PRKN: variants seen among roughly 807,000 people sequenced by gnomAD.
The protein encoded by PRKN is E3 ubiquitin-protein ligase parkin.
Under a neutral mutation model 59.5 loss-of-function variants are expected in PRKN, and 56 were observed. The observed-to-expected ratio is 0.94, with a 90% CI of 0.76 to 1.18. PRKN has a LOEUF of 1.18. Ranked by LOEUF, PRKN falls within the 50% of genes most tolerant of loss-of-function variation. The pLI, the probability that PRKN is intolerant of heterozygous loss-of-function variation, is 0.00. For synonymous variants in PRKN, 250 were observed against 222.1 expected, an observed-to-expected ratio of 1.13 and a Z score of -1.12; for missense variants, 657 against 596.4, an observed-to-expected ratio of 1.10 and a Z score of -1.06.
intron 2 of PRKN, among the ~76,000 whole-genome samples, chr6:162,427,055 A>G (rs929620274): frequency 2.0e-5 from 3 of 152,230 alleles, no homozygotes; most frequent in Admixed American, 2.0e-4. Flanking sequence ...AGTATACTAA[A>G]TGCTCAGAAG....
intron 6 of PRKN, among the ~76,000 whole-genome samples, chr6:161,944,084 C>T (rs1040728094): frequency 1.1e-4 from 13 of 115,834 alleles, no homozygotes; most frequent in African/African-American, 4.5e-4. Context: ...GCCTGAGGGA[C>T]CAGCCTGAGG....
intron 2 of PRKN, among the ~76,000 whole-genome samples, chr6:162,432,841 A>T (rs1288654880): frequency 2.0e-5 from 3 of 152,210 alleles, no homozygotes; most frequent in Admixed American, 2.0e-4. Flanking sequence ...CTTGTTAAAC[A>T]GATTTTGAAT....
chr6:161,790,676 C>T (rs1348231157), intron 6 of PRKN, among the ~76,000 whole-genome samples: 1 of 152,182 alleles, frequency 6.6e-6, no homozygotes, highest in African/African-American at 2.4e-5. Context: ...GACACTGGAT[C>T]TGCCAGTGCT....
In PRKN at chr6:162,147,612, T is replaced by C. The variant is rs568124557; in HGVS notation, c.534+53519A>G. ...GATTTCATGATACCTTACAGATTTA[T>C]ATTTTTTCTTTATAAAATAGAAAGT... On this transcript the variant is annotated intron_variant, in intron 4 of 11. Coordinates refer to ENST00000366898, the MANE Select transcript of PRKN (RefSeq NM_004562.3). Among the ~76,000 whole-genome samples, 199 of 152,306 alleles carry C rather than the reference T, an allele frequency of 1.3e-3. 1 individual carries two copies. Among genetic ancestry groups the C allele is most frequent in the Non-Finnish European group, 1.8e-3 (122 of 68,020 alleles).
At chr6:162,537,320 T>G (rs890856855) in intron 1 of PRKN, among the ~76,000 whole-genome samples, 4 of 152,168 alleles carry the variant, frequency 2.6e-5, no homozygotes, top group Non-Finnish European at 5.9e-5. Flanking sequence ...CACTAGCACC[T>G]CACTCCGTAG....
In PRKN at chr6:162,148,466, T is replaced by C. The variant is rs183334789; in HGVS notation, c.534+52665A>G. On this transcript the variant is annotated intron_variant, in intron 4 of 11. Transcript: ENST00000366898. ...AGATTAAGTCATGGAGATTTTGAGGTCCCTGTCACAGCAGCATAACTTGTA... is the reference window on the plus strand; with the variant it reads ...AGATTAAGTCATGGAGATTTTGAGGCCCCTGTCACAGCAGCATAACTTGTA... Among the ~76,000 whole-genome samples, 1,007 of 152,104 alleles carry C rather than the reference T, an allele frequency of 6.6e-3. 8 individuals carry two copies. The highest frequency in any genetic ancestry group is 0.023 in the African/African-American group (951 of 41,480).
At chr6:161,600,200 C>A (rs1782058197) in intron 7 of PRKN, among the ~76,000 whole-genome samples, 1 of 152,078 alleles carries the variant, frequency 6.6e-6, no homozygotes, top group South Asian at 2.1e-4. Flanking sequence ...TCATCCTTTT[C>A]TGTTATTTCT....
At chr6:161,756,448 A>G (rs1220647022) in intron 7 of PRKN, among the ~76,000 whole-genome samples, 2 of 144,506 alleles carry the variant, frequency 1.4e-5, no homozygotes, top group Admixed American at 6.7e-5. Context: ...TCTCGAAAAA[A>G]AAAAAAAAAA....
intron 4 of PRKN, among the ~76,000 whole-genome samples, chr6:162,082,950 T>C (rs534420432): frequency 6.6e-6 from 1 of 152,218 alleles, no homozygotes; most frequent in Non-Finnish European, 1.5e-5. Context: ...CTAAAATTAT[T>C]AGAATAAATT....
At chr6:161,757,931 C>CTATATATATATATATA in intron 7 of PRKN, among the ~76,000 whole-genome samples, 1 of 135,746 alleles carries the variant, frequency 7.4e-6, no homozygotes, top group African/African-American at 2.9e-5. Context: ...ATCTCTCTCT[C>CTATATATATATATATA]TGTATATATA....
intron 9 of PRKN, among the ~76,000 whole-genome samples, chr6:161,543,973 A>G (rs561392425): frequency 8.5e-5 from 13 of 152,352 alleles, no homozygotes; most frequent in African/African-American, 3.1e-4. Context: ...AGAATAATGC[A>G]TAACATGAAT....
At chr6:161,615,414 G>A (rs531609680) in intron 7 of PRKN, among the ~76,000 whole-genome samples, 1 of 152,274 alleles carries the variant, frequency 6.6e-6, no homozygotes, top group South Asian at 2.1e-4. Context: ...AATACTCAGG[G>A]TATAAATATG....
intron 2 of PRKN, among the ~76,000 whole-genome samples, chr6:162,367,726 T>C (rs1297203173): frequency 1.3e-5 from 2 of 151,924 alleles, no homozygotes; most frequent in African/African-American, 4.8e-5. Flanking sequence ...AAGAGTGCAC[T>C]GAATATAAGA....
intron 1 of PRKN, among the ~76,000 whole-genome samples, chr6:162,630,571 T>A (rs757104415): frequency 6.6e-6 from 1 of 152,162 alleles, no homozygotes; most frequent in Non-Finnish European, 1.5e-5. Flanking sequence ...AATGGGGATT[T>A]AAGATTCTTC....
intron 1 of PRKN, among the ~76,000 whole-genome samples, chr6:162,532,237 C>A (rs1273231717): frequency 1.3e-5 from 2 of 152,224 alleles, no homozygotes; most frequent in South Asian, 4.1e-4. Flanking sequence ...AAACTAGCAA[C>A]CTAGCTTTCC....
At chr6:162,419,951 A>G (rs990502712) in intron 2 of PRKN, among the ~76,000 whole-genome samples, 2 of 152,202 alleles carry the variant, frequency 1.3e-5, no homozygotes, top group East Asian at 1.9e-4. Flanking sequence ...GCAGCCCCCA[A>G]CCTTTTTGGC....
chr6:161,743,905 T>A (rs985465959), intron 7 of PRKN, among the ~76,000 whole-genome samples: 5 of 152,154 alleles, frequency 3.3e-5, no homozygotes, highest in African/African-American at 1.2e-4. Flanking sequence ...TACGTGCCTG[T>A]GCTTTTCAGG....
chr6:162,314,090 A>G (rs943839779), intron 2 of PRKN, among the ~76,000 whole-genome samples: 1 of 152,158 alleles, frequency 6.6e-6, no homozygotes, highest in Non-Finnish European at 1.5e-5. Context: ...GTTTCCATGT[A>G]GCGCTTGCTC....
At chr6:161,727,668 C>A (rs1025219698) in intron 7 of PRKN, among the ~76,000 whole-genome samples, 1 of 152,142 alleles carries the variant, frequency 6.6e-6, no homozygotes, top group African/African-American at 2.4e-5. Context: ...CCCCTTTAAG[C>A]CTTCTGTGTC....
Sources: gnomAD v4.1 joint callset for allele counts (sites outside exome capture counted in the v4.1 genomes callset) on GRCh38, gnomAD v4.1.1 for gene constraint, MANE v1.5 for transcripts, NCBI Gene and HGNC (gene_info 2026-07-23, HGNC 2026-07-21) for gene names.